TBC1D9: variants seen among roughly 807,000 people sequenced by gnomAD.
TBC1D9 encodes TBC1 domain family member 9A.
A neutral mutation model predicts 132.0 loss-of-function variants in TBC1D9; 63 were observed. That is an observed-to-expected ratio of 0.48 (90% CI 0.39 to 0.59). The LOEUF is 0.59. TBC1D9 is among the 20% of genes least tolerant of loss of function. The pLI is 0.00. For missense variants in TBC1D9, 1,261 were observed against 1,592.7 expected (o/e 0.79, Z 3.54); for synonymous variants, 610 against 609.9 (o/e 1.00, Z 0.00).
At position 140,622,028 on chromosome 4, in the gene TBC1D9, A is replaced by C; in HGVS notation, c.*167T>G. The C allele has an allele frequency of 2.0e-6, 2 of 992,516 alleles. No individual in the cohort carries two copies. The highest frequency in any genetic ancestry group is 2.8e-6 in the Non-Finnish European group (2 of 720,296). 61.5% of individuals were successfully genotyped at this position (992,516 alleles called of 1,614,324 possible). On this transcript the variant is annotated 3_prime_UTR_variant, in exon 21 of 21. Coordinates refer to ENST00000442267, the MANE Select transcript of TBC1D9 (RefSeq NM_015130.3). The stretch of plus-strand genomic sequence containing the variant: ...AATGTACCTACATTGAGGTGTTTAA[A>C]TATTTCTCCAACAGTTTTCATTGAA...
At chr4:140,647,898 G>T (rs1737126364) in intron 13 of TBC1D9, among the ~76,000 whole-genome samples, 1 of 151,736 alleles carries the variant, frequency 6.6e-6, no homozygotes, top group Non-Finnish European at 1.5e-5. Context: ...ATGACATGGG[G>T]GTCTCTCCCT....
At chr4:140,683,966 C>T (rs940845260) in intron 3 of TBC1D9, among the ~76,000 whole-genome samples, 1 of 152,044 alleles carries the variant, frequency 6.6e-6, no homozygotes. Flanking sequence ...GCTAAGGTGA[C>T]TTCTAGAAAG....
intron 1 of TBC1D9, among the ~76,000 whole-genome samples, chr4:140,750,235 G>T (rs185723830): frequency 1.0e-3 from 152 of 152,032 alleles, no homozygotes; most frequent in African/African-American, 3.3e-3. Context: ...TAAGACCTGG[G>T]AAGGGATAAG....
intron 1 of TBC1D9, among the ~76,000 whole-genome samples, chr4:140,746,662 G>C (rs1193968547): frequency 6.6e-6 from 1 of 152,132 alleles, no homozygotes; most frequent in African/African-American, 2.4e-5. Context: ...CCAGCAAAGA[G>C]AGAAATAAGA....
At chr4:140,672,268 T>C (rs1737549920) in intron 6 of TBC1D9, among the ~76,000 whole-genome samples, 1 of 149,236 alleles carries the variant, frequency 6.7e-6, no homozygotes, top group Non-Finnish European at 1.5e-5. Context: ...ATTAAAAATA[T>C]ATATTTATAT....
At position 140,621,590 on chromosome 4, in the gene TBC1D9, TAACTGTTTAGA is replaced by T. The variant is rs1219148344; in HGVS notation, c.*594_*604del. ...ATCATGTAAAAATCACTTACTTTCA[TAACTGTTTAGA>T]ACCCCAAATGTTTTCCCTTTGAAGG... On this transcript the variant is annotated 3_prime_UTR_variant, in exon 21 of 21. Transcript: ENST00000442267. 1.3e-5 allele frequency: 2 copies of T among 152,236 alleles called. No homozygotes were observed. Among genetic ancestry groups the T allele is most frequent in the East Asian group, 3.8e-4 (2 of 5,208 alleles). 9.4% of individuals were successfully genotyped at this position (152,236 alleles called of 1,614,324 possible). A position where few individuals can be genotyped will look rare whatever the true frequency, so the allele number is the denominator to read the frequency against.
At chr4:140,689,526 C>T (rs1476629248) in intron 2 of TBC1D9, among the ~76,000 whole-genome samples, 1 of 117,026 alleles carries the variant, frequency 8.5e-6, no homozygotes, top group East Asian at 3.1e-4. Context: ...CTTTTCCCTT[C>T]CATTCCCCCT....
chr4:140,678,512 T>C (rs1010027985), intron 5 of TBC1D9, among the ~76,000 whole-genome samples: 5 of 152,202 alleles, frequency 3.3e-5, no homozygotes, highest in African/African-American at 1.2e-4. Context: ...CAAAGTTACT[T>C]CTCTCTGTGT....
intron 5 of TBC1D9, among the ~76,000 whole-genome samples, chr4:140,677,401 C>T (rs1274883227): frequency 6.6e-6 from 1 of 152,120 alleles, no homozygotes; most frequent in Admixed American, 6.5e-5. Context: ...TAAAGAAATG[C>T]AATACACTCT....
chr4:140,686,463 C>G lies in TBC1D9; in HGVS notation c.242-1G>C. The G allele has an allele frequency of 6.4e-7, 1 of 1,561,420 alleles. No homozygotes were observed. The highest frequency in any genetic ancestry group is 8.8e-7 in the Non-Finnish European group (1 of 1,139,460). Reference sequence around the variant, plus strand: ...TCAGTGATTTCTTTCCTGGAACCACCTGTACAAATGAAAATAATAATTCAT... The same window carrying G: ...TCAGTGATTTCTTTCCTGGAACCACGTGTACAAATGAAAATAATAATTCAT... On this transcript the variant is annotated splice_acceptor_variant, in intron 2 of 20. Coordinates refer to ENST00000442267, the MANE Select transcript of TBC1D9 (RefSeq NM_015130.3). LOFTEE classifies it high-confidence loss of function.
chr4:140,652,661 T>C (rs931649367), intron 13 of TBC1D9, among the ~76,000 whole-genome samples: 1 of 152,260 alleles, frequency 6.6e-6, no homozygotes. Context: ...CAACCTCTCT[T>C]AACTTACATT....
intron 1 of TBC1D9, among the ~76,000 whole-genome samples, chr4:140,744,551 A>G (rs1217555398): frequency 6.6e-6 from 1 of 152,132 alleles, no homozygotes; most frequent in Non-Finnish European, 1.5e-5. Context: ...CTTGCCATCT[A>G]TTCCCACTAA....
At chr4:140,709,248 T>TCTCTCTCTCTCACA (rs1382500714) in intron 1 of TBC1D9, among the ~76,000 whole-genome samples, 95 of 104,192 alleles carry the variant, frequency 9.1e-4, no homozygotes, top group African/African-American at 3.9e-3. Context: ...TCTCTCTCTC[T>TCTCTCTCTCTCACA]CACACACACA....
chr4:140,643,511 C>G, intron 13 of TBC1D9: 1 of 883,158 alleles, frequency 1.1e-6, no homozygotes, highest in South Asian at 1.4e-5. Flanking sequence ...GCTCCAGTCT[C>G]GGGCACTCTC....
chr4:140,752,126 T>C (rs992897052), intron 1 of TBC1D9, among the ~76,000 whole-genome samples: 5 of 152,156 alleles, frequency 3.3e-5, no homozygotes, highest in Admixed American at 1.3e-4. Flanking sequence ...AAAATGACCA[T>C]AGCCACATTA....
chr4:140,748,728 AT>A (rs1457956248), intron 1 of TBC1D9, among the ~76,000 whole-genome samples: 6 of 152,222 alleles, frequency 3.9e-5, no homozygotes, highest in Non-Finnish European at 8.8e-5. Context: ...GAAAGAAAGC[AT>A]AATAAAGACA....
At chr4:140,643,521 C>G in intron 13 of TBC1D9, 1 of 876,324 alleles carries the variant, frequency 1.1e-6, no homozygotes, top group Admixed American at 2.0e-5. Context: ...CGGGCACTCT[C>G]CCTCCCCGGC....
chr4:140,687,070 C>T (rs1250643688), intron 2 of TBC1D9, among the ~76,000 whole-genome samples: 3 of 151,912 alleles, frequency 2.0e-5, no homozygotes, highest in Non-Finnish European at 2.9e-5. Flanking sequence ...CAAGTCAACA[C>T]ATTTTGGTCA....
At chr4:140,669,439 C>T (rs1268847640) in intron 8 of TBC1D9, among the ~76,000 whole-genome samples, 195 bp downstream of exon 8, 1 of 152,182 alleles carries the variant, frequency 6.6e-6, no homozygotes, top group Non-Finnish European at 1.5e-5. Context: ...CAAAAGAAGT[C>T]ACCTGTACCC....
Sources: gnomAD v4.1 joint callset for allele counts (sites outside exome capture counted in the v4.1 genomes callset) on GRCh38, gnomAD v4.1.1 for gene constraint, MANE v1.5 for transcripts, NCBI Gene and HGNC (gene_info 2026-07-23, HGNC 2026-07-21) for gene names.